Variants in SLC2A4 observed in about 807,000 individuals in gnomAD.
SLC2A4 encodes solute carrier family 2 member 4.
Under a neutral mutation model 53.3 loss-of-function variants are expected in SLC2A4, and 31 were observed. That is an observed-to-expected ratio of 0.58 (90% confidence interval 0.44 to 0.78). The LOEUF (loss-of-function observed/expected upper bound fraction) is 0.78. Among genes scored for constraint, SLC2A4 ranks in the 30% least tolerant of loss-of-function variants. The pLI, the probability that SLC2A4 is intolerant of heterozygous loss-of-function variation, is 0.00. For missense variants in SLC2A4, 538 were observed against 655.7 expected (o/e 0.82, Z 1.96); for synonymous variants, 276 against 281.9 (o/e 0.98, Z 0.21).
chr17:7,285,846 G>C lies in SLC2A4; in HGVS notation c.1264G>C (p.Val422Leu). ...SQGPRPAAMAVAGFSNWTSNF... is the reference protein window; with the variant it reads ...SQGPRPAAMALAGFSNWTSNF... The stretch of plus-strand genomic sequence containing the variant: ...GGGACCCCGCCCGGCAGCCATGGCT[G>C]TGGCTGGTTTCTCCAACTGGACGAG... The change falls in exon 10 of 11, where the codon GTG (valine) becomes CTG (leucine). Residue 422 changes from valine to leucine, a missense_variant. Coordinates refer to ENST00000317370, the MANE Select transcript of SLC2A4 (RefSeq NM_001042.3). This position sits in a 1 kb window ranked among gnomAD's most constrained non-coding sequence, Gnocchi z 6.0. 6.2e-7 allele frequency: 1 copy of C among 1,614,238 alleles called. No homozygotes were observed. Among genetic ancestry groups the C allele is most frequent in the Non-Finnish European group, 8.5e-7 (1 of 1,180,042 alleles).
chr17:7,283,231 G>A lies in SLC2A4; in HGVS notation c.34-14G>A, dbSNP rs767147777. 2 of 1,603,674 alleles carry A rather than the reference G, an allele frequency of 1.2e-6. No individual in the cohort carries two copies. The highest frequency in any genetic ancestry group is 3.3e-5 in the Admixed American group (2 of 60,010). ...TCCATGTGACATGCTGTGTCTTTGTGTCTGCCTGTTCAGGATGGGGAACCC... is the reference window on the plus strand; with the variant it reads ...TCCATGTGACATGCTGTGTCTTTGTATCTGCCTGTTCAGGATGGGGAACCC... On this transcript the variant is annotated splice_polypyrimidine_tract_variant and intron_variant, in intron 1 of 10. Coordinates refer to ENST00000317370, the MANE Select transcript of SLC2A4 (RefSeq NM_001042.3). This position sits in a 1 kb window ranked among gnomAD's most constrained non-coding sequence, Gnocchi z 5.8.
Position 7,282,883 on chromosome 17 carries a change from C to A in SLC2A4, c.34-362C>A, listed in dbSNP as rs539822305. Reference sequence around the variant, plus strand: ...TAGGTAGGCAAGGCAGGCAACATCACCCCCATCTCACAGAGGACACTCAGG... The same window carrying A: ...TAGGTAGGCAAGGCAGGCAACATCAACCCCATCTCACAGAGGACACTCAGG... On this transcript the variant is annotated intron_variant, in intron 1 of 10. Coordinates refer to ENST00000317370, the MANE Select transcript of SLC2A4 (RefSeq NM_001042.3). This position sits in a 1 kb window ranked among gnomAD's most constrained non-coding sequence, Gnocchi z 4.1. The A allele has an allele frequency of 8.0e-6, 3 of 376,566 alleles. No homozygotes were observed. Among genetic ancestry groups the A allele is most frequent in the Non-Finnish European group, 1.5e-5 (3 of 195,282 alleles). The allele number at this position is 376,566 out of a possible 1,614,324, so 23.3% of individuals were successfully genotyped here. A position where few individuals can be genotyped will look rare whatever the true frequency, so the allele number is the denominator to read the frequency against.
At position 7,283,088 on chromosome 17, in the gene SLC2A4, G is replaced by C. The variant is rs2072415853; in HGVS notation, c.34-157G>C. 1.3e-6 allele frequency: 1 copy of C among 761,234 alleles called. No individual in the cohort carries two copies. Among genetic ancestry groups the C allele is most frequent in the East Asian group, 2.5e-5 (1 of 40,718 alleles). The allele number at this position is 761,234 out of a possible 1,614,324, so 47.2% of individuals were successfully genotyped here. ...GCAGTTCAGCTCCTGTTTACATTGA[G>C]ATCTTTGTGCAATTCCTAATATGGC... On this transcript the variant is annotated intron_variant, in intron 1 of 10. Transcript: ENST00000317370. This position sits in a 1 kb window ranked among gnomAD's most constrained non-coding sequence, Gnocchi z 5.8.
chr17:7,282,305 C>G lies in SLC2A4; in HGVS notation c.33+338C>G, dbSNP rs1049465777. The G allele has an allele frequency of 1.9e-6, 1 of 528,666 alleles. No homozygotes were observed. 32.7% of individuals were successfully genotyped at this position (528,666 alleles called of 1,614,324 possible). A position where few individuals can be genotyped will look rare whatever the true frequency, so the allele number is the denominator to read the frequency against. On this transcript the variant is annotated intron_variant, in intron 1 of 10. Coordinates refer to ENST00000317370, the MANE Select transcript of SLC2A4 (RefSeq NM_001042.3). This position sits in a 1 kb window ranked among gnomAD's most constrained non-coding sequence, Gnocchi z 4.1. The stretch of plus-strand genomic sequence containing the variant: ...GGAAAGCAGATCCAGGCGGGTCTTG[C>G]CCTCCGGGAGCTGTCCGTCCGTCTT...
chr17:7,284,164 G>A lies in SLC2A4; in HGVS notation c.565-53G>A. 6.2e-7 allele frequency: 1 copy of A among 1,611,240 alleles called. No homozygotes were observed. The highest frequency in any genetic ancestry group is 8.5e-7 in the Non-Finnish European group (1 of 1,179,314). On this transcript the variant is annotated intron_variant, in intron 5 of 10. Transcript: ENST00000317370. The surrounding 1 kb of genome is among the most constrained non-coding windows in gnomAD (Gnocchi z 7.5). ...TCTGGAGAATATGGTGGGCTTCCAA[G>A]GTAAGGCAGAAGGGCTGAGTGACCT... is the stretch of plus-strand genomic sequence containing the variant.
chr17:7,284,161 C>T lies in SLC2A4; in HGVS notation c.565-56C>T. 1 of 1,610,694 alleles carries T rather than the reference C, an allele frequency of 6.2e-7. No individual in the cohort carries two copies. The highest frequency in any genetic ancestry group is 1.7e-5 in the Admixed American group (1 of 60,010). The stretch of plus-strand genomic sequence containing the variant: ...GGCTCTGGAGAATATGGTGGGCTTC[C>T]AAGGTAAGGCAGAAGGGCTGAGTGA... On this transcript the variant is annotated intron_variant, in intron 5 of 10. Coordinates refer to ENST00000317370, the MANE Select transcript of SLC2A4 (RefSeq NM_001042.3). The surrounding 1 kb of genome is among the most constrained non-coding windows in gnomAD (Gnocchi z 7.5).
rs1451464626 is a variant in SLC2A4 at position 7,285,015 on chromosome 17, TGCCCTCACCCACGCG to T, written c.1021-68_1021-54del. 2 of 1,613,706 alleles carry T rather than the reference TGCCCTCACCCACGCG, an allele frequency of 1.2e-6. No homozygotes were observed. Among genetic ancestry groups the T allele is most frequent in the Non-Finnish European group, 1.7e-6 (2 of 1,179,920 alleles). On this transcript the variant is annotated intron_variant, in intron 8 of 10. Coordinates refer to ENST00000317370, the MANE Select transcript of SLC2A4 (RefSeq NM_001042.3). The surrounding 1 kb of genome is among the most constrained non-coding windows in gnomAD (Gnocchi z 6.0). The stretch of plus-strand genomic sequence containing the variant: ...GTGTCCCGGAGGTCCTGCTCTTGGT[TGCCCTCACCCACGCG>T]GCCCCTCCTACTTCCCGTGCCCAAA...
Position 7,283,116 on chromosome 17 carries a change from A to T in SLC2A4, c.34-129A>T. On this transcript the variant is annotated intron_variant, in intron 1 of 10. Coordinates refer to ENST00000317370, the MANE Select transcript of SLC2A4 (RefSeq NM_001042.3). This position sits in a 1 kb window ranked among gnomAD's most constrained non-coding sequence, Gnocchi z 5.8. Reference sequence around the variant, plus strand: ...CTTTGTGCAATTCCTAATATGGCCCAGTTTCCCTCACCCAACATGTTGGGT... The same window carrying T: ...CTTTGTGCAATTCCTAATATGGCCCTGTTTCCCTCACCCAACATGTTGGGT... The T allele has an allele frequency of 1.2e-6, 1 of 802,944 alleles. No homozygotes were observed. The highest frequency in any genetic ancestry group is 1.7e-5 in the Admixed American group (1 of 58,814). The allele number at this position is 802,944 out of a possible 1,614,324, so 49.7% of individuals were successfully genotyped here. A position where few individuals can be genotyped will look rare whatever the true frequency, so the allele number is the denominator to read the frequency against.
Position 7,286,778 on chromosome 17 carries a change from G to A in SLC2A4, c.*149G>A, listed in dbSNP as rs1567603153. The A allele has an allele frequency of 2.6e-6, 2 of 760,362 alleles. No homozygotes were observed. Among genetic ancestry groups the A allele is most frequent in the South Asian group, 1.5e-5 (1 of 65,212 alleles). The allele number at this position is 760,362 out of a possible 1,614,324, so 47.1% of individuals were successfully genotyped here. ...TGGTAGAATTGGGAAGCTGGGGGAAGGGTGGTCTGAGCACCCCCTCATTCC... is the reference window on the plus strand; with the variant it reads ...TGGTAGAATTGGGAAGCTGGGGGAAAGGTGGTCTGAGCACCCCCTCATTCC... On this transcript the variant is annotated 3_prime_UTR_variant, in exon 11 of 11. Coordinates refer to ENST00000317370, the MANE Select transcript of SLC2A4 (RefSeq NM_001042.3).
At position 7,283,518 on chromosome 17, in the gene SLC2A4, C is replaced by A; in HGVS notation, c.196C>A (p.Pro66Thr). 1 of 1,613,858 alleles carries A rather than the reference C, an allele frequency of 6.2e-7. No individual in the cohort carries two copies. Among genetic ancestry groups the A allele is most frequent in the Non-Finnish European group, 8.5e-7 (1 of 1,179,962 alleles). ...TGAGACGTGGCTGGGGAGGCAGGGG[C>A]CTGAGGGACCCAGCTCCATCCCTCC... ...YNETWLGRQG[P>T]EGPSSIPPGT... is the part of the protein sequence containing the mutation. Residue 66 changes from proline (P) to threonine (T), a missense_variant, in exon 3 of 11, where the codon CCT becomes ACT. Coordinates refer to ENST00000317370, the MANE Select transcript of SLC2A4 (RefSeq NM_001042.3). The surrounding 1 kb of genome is among the most constrained non-coding windows in gnomAD (Gnocchi z 5.8).
chr17:7,286,286 T>C (rs1266529948), intron 10 of SLC2A4, 140 bp from the exon 11 acceptor site: 10 of 782,606 alleles, frequency 1.3e-5, no homozygotes, highest in Non-Finnish European at 2.1e-5. Context: ...TTCCTGCTCA[T>C]TTCCCTTGTC....
Position 7,282,381 on chromosome 17 carries a change from C to G in SLC2A4, c.33+414C>G. ...CGGAGGCTCTCCGTGGGCCCCCACC[C>G]CCACTCCTGGCCGCCCTCCAGGACG... On this transcript the variant is annotated intron_variant, in intron 1 of 10. Transcript: ENST00000317370. This position sits in a 1 kb window ranked among gnomAD's most constrained non-coding sequence, Gnocchi z 4.1. 1 of 464,588 alleles carries G rather than the reference C, an allele frequency of 2.2e-6. No individual in the cohort carries two copies. Among genetic ancestry groups the G allele is most frequent in the Non-Finnish European group, 4.3e-6 (1 of 232,678 alleles). The allele number at this position is 464,588 out of a possible 1,614,324, so 28.8% of individuals were successfully genotyped here. A position where few individuals can be genotyped will look rare whatever the true frequency, so the allele number is the denominator to read the frequency against.
rs374677388 is a variant in SLC2A4, at chr17:7,283,649, C to G, written c.323+4C>G. On this transcript the variant is annotated splice_donor_region_variant and intron_variant, in intron 3 of 10. Coordinates refer to ENST00000317370, the MANE Select transcript of SLC2A4 (RefSeq NM_001042.3). The surrounding 1 kb of genome is among the most constrained non-coding windows in gnomAD (Gnocchi z 5.8). ...TCATCTCTCAGTGGCTTGGAAGGTT[C>G]GCAGCTGGAGGGCAGGGGTGGGGGA... 6 of 1,613,604 alleles carry G rather than the reference C, an allele frequency of 3.7e-6. No individual in the cohort carries two copies. In the African/African-American group the frequency reaches 8.0e-5, roughly 22 times the overall value.
In SLC2A4 at chr17:7,283,439, G is replaced by A. The variant is rs765025059; in HGVS notation, c.151-34G>A. 1.9e-6 allele frequency: 3 copies of A among 1,612,870 alleles called. No individual in the cohort carries two copies. Among genetic ancestry groups the A allele is most frequent in the Admixed American group, 3.3e-5 (2 of 60,004 alleles). The stretch of plus-strand genomic sequence containing the variant: ...TCTCGGGGGTGGTGGAAAGGGGACG[G>A]TCTGCAGGAAATCTGTCCTCTGCTG... On this transcript the variant is annotated intron_variant, in intron 2 of 10. Transcript: ENST00000317370. The surrounding 1 kb of genome is among the most constrained non-coding windows in gnomAD (Gnocchi z 5.8).
In SLC2A4 at chr17:7,284,829, C is replaced by T; in HGVS notation, c.916-6C>T. 1 of 1,614,212 alleles carries T rather than the reference C, an allele frequency of 6.2e-7. No individual in the cohort carries two copies. The highest frequency in any genetic ancestry group is 8.5e-7 in the Non-Finnish European group (1 of 1,180,032). ...GCCATCACTTCTTCTTCTCCCCCAC[C>T]TCTAGGTTTTCTATTATTCGACCAG... On this transcript the variant is annotated splice_region_variant and splice_polypyrimidine_tract_variant and intron_variant, in intron 7 of 10. Transcript: ENST00000317370. The surrounding 1 kb of genome is among the most constrained non-coding windows in gnomAD (Gnocchi z 7.5).
At position 7,283,771 on chromosome 17, in the gene SLC2A4, G is replaced by A. The variant is rs375581164; in HGVS notation, c.357G>A (p.Ala119=). 29 of 1,613,948 alleles carry A rather than the reference G, an allele frequency of 1.8e-5. No homozygotes were observed. Among genetic ancestry groups the A allele is most frequent in the South Asian group, 9.9e-5 (9 of 91,090 alleles). ...KRAMLVNNVL[A]VLGGSLMGLA... is the part of the protein sequence containing the mutation. ...CCATGCTGGTCAACAATGTCCTGGC[G>A]GTGCTGGGGGGCAGCCTCATGGGCC... The change falls in exon 4 of 11, where the codon GCG becomes GCA. Residue 119 remains alanine (A), a synonymous_variant. Coordinates refer to ENST00000317370, the MANE Select transcript of SLC2A4 (RefSeq NM_001042.3). The surrounding 1 kb of genome is among the most constrained non-coding windows in gnomAD (Gnocchi z 5.8).
rs542749322 is a variant in SLC2A4, at chr17:7,287,115, G to GGTTCTCTTTTTTTTTTTTTTTT, written c.*486_*487insGTTCTCTTTTTTTTTTTTTTTT. 4 of 97,696 alleles carry GGTTCTCTTTTTTTTTTTTTTTT rather than the reference G, an allele frequency of 4.1e-5. 1 individual carries two copies. Among genetic ancestry groups the GGTTCTCTTTTTTTTTTTTTTTT allele is most frequent in the African/African-American group, 8.4e-5 (2 of 23,918 alleles). 6.1% of individuals were successfully genotyped at this position (97,696 alleles called of 1,614,324 possible). ...TGCCACGCAGACTCTGGGCAAAGGG[G>GGTTCTCTTTTTTTTTTTTTTTT]TTTTTTTTTTTTTTTTTTTTTTTTT... is the stretch of plus-strand genomic sequence containing the variant. On this transcript the variant is annotated 3_prime_UTR_variant, in exon 11 of 11. Coordinates refer to ENST00000317370, the MANE Select transcript of SLC2A4 (RefSeq NM_001042.3).
chr17:7,282,736 C>G lies in SLC2A4; in HGVS notation c.34-509C>G, dbSNP rs1267536620. Among the ~76,000 whole-genome samples, 1 of 152,226 alleles carries G rather than the reference C, an allele frequency of 6.6e-6. No homozygotes were observed. Among genetic ancestry groups the G allele is most frequent in the South Asian group, 2.1e-4 (1 of 4,834 alleles). On this transcript the variant is annotated intron_variant, in intron 1 of 10. Coordinates refer to ENST00000317370, the MANE Select transcript of SLC2A4 (RefSeq NM_001042.3). The surrounding 1 kb of genome is among the most constrained non-coding windows in gnomAD (Gnocchi z 4.1). ...GGCCTCCTGGAGCTGGCTGACAGAA[C>G]CCCCAGAGGGGAGGGAAGAGGACAG...
rs1275631836 is a variant in SLC2A4, at chr17:7,283,743, G to C, written c.329G>C (p.Arg110Thr). 8.1e-6 allele frequency: 13 copies of C among 1,613,944 alleles called. No individual in the cohort carries two copies. The highest frequency in any genetic ancestry group is 1.0e-5 in the Non-Finnish European group (12 of 1,180,026). ...TCACTCTGTCTGCCTGCCAGGAAAA[G>C]GGCCATGCTGGTCAACAATGTCCTG... ...GIISQWLGRK[R>T]AMLVNNVLAV... The change falls in exon 4 of 11, where the codon AGG becomes ACG. Residue 110 changes from arginine to threonine, a missense_variant. Coordinates refer to ENST00000317370, the MANE Select transcript of SLC2A4 (RefSeq NM_001042.3). The surrounding 1 kb of genome is among the most constrained non-coding windows in gnomAD (Gnocchi z 5.8).
Sources: allele counts gnomAD v4.1 joint callset (sites outside exome capture counted in the v4.1 genomes callset), GRCh38; gene constraint gnomAD v4.1.1; non-coding constraint Gnocchi (gnomAD v3.1); transcripts MANE v1.5; gene names NCBI Gene and HGNC (gene_info 2026-07-23, HGNC 2026-07-21).